ATXN2: variants seen among roughly 807,000 people sequenced by gnomAD.
ATXN2 encodes the protein ataxin 2.
ATXN2 carries 37 observed loss-of-function variants against 138.6 expected under a neutral mutation model. The ratio of observed to expected loss-of-function variants is 0.27; its 90% CI spans 0.21 to 0.35. The LOEUF (loss-of-function observed/expected upper bound fraction) is 0.35, where lower values mean the gene tolerates loss of function less well. Ranked by LOEUF, ATXN2 falls within the 10% of genes least tolerant of loss-of-function variation. ATXN2 has a pLI of 1.00. For synonymous variants in ATXN2, 549 were observed against 543.7 expected (o/e 1.01, Z -0.13); for missense variants, 1,216 against 1,480.3 (o/e 0.82, Z 2.93).
In ATXN2 at chr12:111,488,466, GTT is replaced by G; in HGVS notation, c.2240+8_2240+9del. The stretch of plus-strand genomic sequence containing the variant: ...AGTAACAGGATGGTCTAAGTTCCAG[GTT>G]TACTCACTCAGCTGCGTCTTTCTTC... On this transcript the variant is annotated splice_region_variant and intron_variant, in intron 15 of 24. Coordinates refer to ENST00000673436, the MANE Select transcript of ATXN2 (RefSeq NM_001372574.1). The G allele has an allele frequency of 6.3e-7, 1 of 1,598,224 alleles. No individual in the cohort carries two copies. Among genetic ancestry groups the G allele is most frequent in the East Asian group, 2.2e-5 (1 of 44,692 alleles).
At chr12:111,589,209 G>A (rs775300838) in intron 1 of ATXN2, among the ~76,000 whole-genome samples, 1 of 151,636 alleles carries the variant, frequency 6.6e-6, no homozygotes, top group African/African-American at 2.4e-5. Flanking sequence ...CAGCTACTCA[G>A]GAGGCTGAGG....
chr12:111,573,776 C>T (rs923081880), intron 1 of ATXN2, among the ~76,000 whole-genome samples: 3 of 151,918 alleles, frequency 2.0e-5, no homozygotes, highest in African/African-American at 4.8e-5. Flanking sequence ...ACCTAATAGG[C>T]ACACAATAAA....
intron 3 of ATXN2, among the ~76,000 whole-genome samples, chr12:111,553,454 G>C (rs1476198847): frequency 6.7e-6 from 1 of 150,196 alleles, no homozygotes; most frequent in Non-Finnish European, 1.5e-5. Context: ...TAAATTACTT[G>C]TAATACCTAA....
chr12:111,507,580 G>T (rs1343285497), intron 14 of ATXN2, among the ~76,000 whole-genome samples: 3 of 151,584 alleles, frequency 2.0e-5, no homozygotes, highest in Admixed American at 2.0e-4. Flanking sequence ...CGTCCGGGAG[G>T]TGGGGGGCAC....
intron 18 of ATXN2, among the ~76,000 whole-genome samples, chr12:111,472,733 T>C (rs1014037596): frequency 6.6e-6 from 1 of 151,978 alleles, no homozygotes; most frequent in Non-Finnish European, 1.5e-5. Context: ...ACCCAGCTAA[T>C]ACTTTTTTTA....
chr12:111,580,373 CCAGGTACTCAGCAAGCTGAGGTGGGATG>C (rs1291958717), intron 1 of ATXN2, among the ~76,000 whole-genome samples: 5 of 151,438 alleles, frequency 3.3e-5, no homozygotes, highest in Non-Finnish European at 7.4e-5. Context: ...ACCTGTAGCC[CCAGGTACTCAGCAAGCTGAGGTGGGATG>C]ATGGGATGAT....
chr12:111,529,084 C>T (rs1019512469), intron 5 of ATXN2, among the ~76,000 whole-genome samples: 4 of 151,628 alleles, frequency 2.6e-5, no homozygotes, highest in South Asian at 2.1e-4. Flanking sequence ...CCTCCCAAGT[C>T]GCTGAGATTA....
chr12:111,533,117 G>C (rs1360667269), intron 5 of ATXN2, among the ~76,000 whole-genome samples: 1 of 152,222 alleles, frequency 6.6e-6, no homozygotes, highest in Non-Finnish European at 1.5e-5. Flanking sequence ...CCTTCCGAGT[G>C]ATGACACAGT....
intron 1 of ATXN2, among the ~76,000 whole-genome samples, chr12:111,578,026 G>A (rs1457282550): frequency 3.3e-5 from 5 of 149,516 alleles, no homozygotes; most frequent in South Asian, 2.1e-4. Context: ...TGAAACCCCC[G>A]TCTCTACTAA....
intron 5 of ATXN2, among the ~76,000 whole-genome samples, chr12:111,530,596 C>G (rs951548314): frequency 2.6e-5 from 4 of 152,182 alleles, no homozygotes; most frequent in African/African-American, 7.2e-5. Flanking sequence ...AGGCAGATCA[C>G]GAGGTCAGGA....
chr12:111,585,801 CAAAAAAAAA>C (rs761433806), intron 1 of ATXN2, among the ~76,000 whole-genome samples: 57 of 24,782 alleles, frequency 2.3e-3, no homozygotes, highest in Admixed American at 4.9e-3. Context: ...AACTCCATCT[CAAAAAAAAA>C]AAAAAAAAAA....
intron 6 of ATXN2, 63 bp downstream of exon 6, chr12:111,525,129 C>A: frequency 2.0e-6 from 3 of 1,526,098 alleles, no homozygotes; most frequent in South Asian, 1.3e-5. Flanking sequence ...ATTTAAATTA[C>A]AACCAAGTGA....
chr12:111,492,230 G>A (rs904344554), intron 14 of ATXN2, among the ~76,000 whole-genome samples: 2 of 152,166 alleles, frequency 1.3e-5, no homozygotes, highest in Admixed American at 1.3e-4. Flanking sequence ...TGGTAATACA[G>A]GGAATTCTCC....
chr12:111,577,453 G>C (rs558938500), intron 1 of ATXN2, among the ~76,000 whole-genome samples: 13 of 151,316 alleles, frequency 8.6e-5, no homozygotes, highest in Non-Finnish European at 1.6e-4. Context: ...TTTTAGTAGA[G>C]ACGGGGTTTC....
chr12:111,542,455 G>A (rs1163606326), intron 5 of ATXN2, among the ~76,000 whole-genome samples: 1 of 151,922 alleles, frequency 6.6e-6, no homozygotes, highest in Non-Finnish European at 1.5e-5. Context: ...CCTTACCTCA[G>A]GTGATCCGCC....
At chr12:111,590,769 G>C (rs1397243458) in intron 1 of ATXN2, among the ~76,000 whole-genome samples, 1 of 152,096 alleles carries the variant, frequency 6.6e-6, no homozygotes, top group African/African-American at 2.4e-5. Context: ...CCACCTGTTA[G>C]ATCAGGTGCA....
At position 111,453,338 on chromosome 12, in the gene ATXN2, G is replaced by C. The variant is rs1254540138; in HGVS notation, c.3439+339C>G. On this transcript the variant is annotated intron_variant, in intron 24 of 24. Coordinates refer to ENST00000673436, the MANE Select transcript of ATXN2 (RefSeq NM_001372574.1). The surrounding 1 kb of genome is among the most constrained non-coding windows in gnomAD (Gnocchi z 5.4). ...CATGGTAATAACCCCCCACATGTCAGACTTTTGGGACTCAGGAAGGAAAAC... is the reference window on the plus strand; with the variant it reads ...CATGGTAATAACCCCCCACATGTCACACTTTTGGGACTCAGGAAGGAAAAC... 6 of 1,091,686 alleles carry C rather than the reference G, an allele frequency of 5.5e-6. No individual in the cohort carries two copies. Among genetic ancestry groups the C allele is most frequent in the Non-Finnish European group, 6.7e-6 (6 of 898,906 alleles). 67.6% of individuals were successfully genotyped at this position (1,091,686 alleles called of 1,614,324 possible). A position where few individuals can be genotyped will look rare whatever the true frequency, so the allele number is the denominator to read the frequency against.
At chr12:111,590,688 A>AAAAAAAAAACAC (rs1555245620) in intron 1 of ATXN2, among the ~76,000 whole-genome samples, 2 of 148,224 alleles carry the variant, frequency 1.3e-5, no homozygotes, top group African/African-American at 5.0e-5. Flanking sequence ...CATCTAATTA[A>AAAAAAAAAACAC]AAAAAAAAAA....
rs1385655220 is a variant in ATXN2 at position 111,499,441 on chromosome 12, C to A, written c.1935+10108G>T. 2.0e-5 allele frequency among the ~76,000 whole-genome samples: 3 copies of A among 152,188 alleles called. No homozygotes were observed. The East Asian group carries it at 5.8e-4, about 29-fold the overall frequency. On this transcript the variant is annotated intron_variant, in intron 14 of 24. Transcript: ENST00000673436. ...CATACAGGCTGGGCGCAGCAGCTCA[C>A]GCCTGTAATCCTAGCACTTTGGGAG... is the stretch of plus-strand genomic sequence containing the variant.
Sources: gnomAD v4.1 joint callset for allele counts (sites outside exome capture counted in the v4.1 genomes callset) on GRCh38, gnomAD v4.1.1 for gene constraint, Gnocchi (gnomAD v3.1) non-coding constraint, MANE v1.5 for transcripts, NCBI Gene and HGNC (gene_info 2026-07-23, HGNC 2026-07-21) for gene names.